Variants in EDNRA observed in about 807,000 individuals in gnomAD.
EDNRA encodes the protein endothelin-1 receptor.
EDNRA carries 11 observed loss-of-function variants against 41.4 expected under a neutral mutation model. That is an observed-to-expected ratio of 0.27 (90% confidence interval 0.17 to 0.44). The LOEUF (loss-of-function observed/expected upper bound fraction) is 0.44. Among genes scored for constraint, EDNRA ranks in the 20% least tolerant of loss-of-function variants. EDNRA has a pLI of 1.00. For missense variants in EDNRA, 294 were observed against 531.0 expected, an observed-to-expected ratio of 0.55 and a Z score of 4.39; for synonymous variants, 172 against 183.0, an observed-to-expected ratio of 0.94 and a Z score of 0.49.
chr4:147,544,295 G>A lies in EDNRA; in HGVS notation c.*1677G>A, dbSNP rs981401187. ...GAGGCAGCGTGAAAGCAGATGAGCT[G>A]TGGACTAGCAATATAGGGTTTTGTT... On this transcript the variant is annotated 3_prime_UTR_variant, in exon 8 of 8. Transcript: ENST00000651419. The A allele has an allele frequency of 5.2e-5, 8 of 153,306 alleles. No homozygotes were observed. Among genetic ancestry groups the A allele is most frequent in the African/African-American group, 1.9e-4 (8 of 41,460 alleles). The allele number at this position is 153,306 out of a possible 1,614,324, so 9.5% of individuals were successfully genotyped here. A position where few individuals can be genotyped will look rare whatever the true frequency, so the allele number is the denominator to read the frequency against.
At chr4:147,510,425 C>T (rs1219587846) in intron 2 of EDNRA, among the ~76,000 whole-genome samples, 1 of 152,152 alleles carries the variant, frequency 6.6e-6, no homozygotes, top group Non-Finnish European at 1.5e-5. Context: ...TCATTCTAGG[C>T]TAGTACAACC....
At chr4:147,541,659 C>T (rs1468856507) in intron 7 of EDNRA, among the ~76,000 whole-genome samples, 1 of 152,144 alleles carries the variant, frequency 6.6e-6, no homozygotes, top group Non-Finnish European at 1.5e-5. Context: ...ATGGAACTTA[C>T]AGTCTAAACA....
rs557210016 is a variant in EDNRA, at chr4:147,539,017, A to G, written c.901-800A>G. Among the ~76,000 whole-genome samples, 34 of 152,180 alleles carry G rather than the reference A, an allele frequency of 2.2e-4. No individual in the cohort carries two copies. In the South Asian group the frequency reaches 5.8e-3, roughly 26 times the overall value. On this transcript the variant is annotated intron_variant, in intron 5 of 7. Coordinates refer to ENST00000651419, the MANE Select transcript of EDNRA (RefSeq NM_001957.4). ...CAATGAATGGTTGCAGATAATTCCT[A>G]ATTTATAGATTTTCTGATCCTGAGC...
intron 2 of EDNRA, among the ~76,000 whole-genome samples, chr4:147,500,264 C>A (rs1404244859): frequency 6.6e-6 from 1 of 152,120 alleles, no homozygotes; most frequent in East Asian, 1.9e-4. Flanking sequence ...GGGACTATTT[C>A]TTTAATAATG....
intron 5 of EDNRA, among the ~76,000 whole-genome samples, chr4:147,537,281 C>T (rs1730949879): frequency 6.6e-6 from 1 of 152,184 alleles, no homozygotes; most frequent in Admixed American, 6.5e-5. Flanking sequence ...TATGCATGTA[C>T]TTTATAAAAT....
In EDNRA at chr4:147,519,274, A is replaced by G. The variant is rs1243315714; in HGVS notation, c.421-577A>G. Among the ~76,000 whole-genome samples the G allele has an allele frequency of 1.3e-5, 2 of 152,224 alleles. No individual in the cohort carries two copies. Among genetic ancestry groups the G allele is most frequent in the African/African-American group, 4.8e-5 (2 of 41,456 alleles). On this transcript the variant is annotated intron_variant, in intron 2 of 7. Coordinates refer to ENST00000651419, the MANE Select transcript of EDNRA (RefSeq NM_001957.4). This position sits in a 1 kb window ranked among gnomAD's most constrained non-coding sequence, Gnocchi z 4.1. ...AGCTGCCAAAATTAGTAGCTTCTAC[A>G]CCACTTTGTTTTTTTCCAGTATTCT...
chr4:147,526,485 T>C (rs1431521490), intron 3 of EDNRA, among the ~76,000 whole-genome samples: 2 of 152,260 alleles, frequency 1.3e-5, no homozygotes, highest in South Asian at 4.1e-4. Context: ...GTCCTCTCTG[T>C]TTTTGCTCCA....
chr4:147,525,802 A>T (rs1178121554), intron 3 of EDNRA, among the ~76,000 whole-genome samples: 2 of 152,230 alleles, frequency 1.3e-5, no homozygotes, highest in African/African-American at 4.8e-5. Flanking sequence ...ATGTGTTATT[A>T]GATACTTGGA....
At chr4:147,523,766 A>T (rs1730429742) in intron 3 of EDNRA, among the ~76,000 whole-genome samples, 1 of 152,056 alleles carries the variant, frequency 6.6e-6, no homozygotes, top group Middle Eastern at 3.2e-3. Context: ...CTGGGATTAC[A>T]GGCATGAGCC....
chr4:147,535,770 C>T (rs1014162914), intron 4 of EDNRA, 107 bp from the exon 5 acceptor site: 2 of 1,365,306 alleles, frequency 1.5e-6, no homozygotes, highest in Non-Finnish European at 2.0e-6. Flanking sequence ...CATGATTTTA[C>T]AGATGTATCT....
At chr4:147,522,964 G>T (rs186364248) in intron 3 of EDNRA, among the ~76,000 whole-genome samples, 147 of 152,370 alleles carry the variant, frequency 9.6e-4, no homozygotes, top group African/African-American at 3.2e-3. Flanking sequence ...GGGACATCTT[G>T]AAGTGGAGGT....
chr4:147,541,767 C>T (rs908136550), intron 7 of EDNRA, among the ~76,000 whole-genome samples: 2 of 152,106 alleles, frequency 1.3e-5, no homozygotes, highest in Admixed American at 6.5e-5. Flanking sequence ...AAATGTTTGC[C>T]AGTCACAAAA....
chr4:147,529,052 A>G (rs544780304), intron 3 of EDNRA, among the ~76,000 whole-genome samples: 1 of 152,360 alleles, frequency 6.6e-6, no homozygotes, highest in African/African-American at 2.4e-5. Context: ...TATGGCAATC[A>G]TCAAGGCACT....
chr4:147,539,934 C>T lies in EDNRA; in HGVS notation c.1018C>T (p.Arg340Ter). The T allele has an allele frequency of 6.2e-6, 10 of 1,607,548 alleles. No individual in the cohort carries two copies. Among genetic ancestry groups the T allele is most frequent in the Non-Finnish European group, 8.5e-6 (10 of 1,178,512 alleles). Residue 340 changes from arginine (R) to a stop codon, truncating the protein, a stop_gained, in exon 6 of 8, where the codon CGA (arginine) becomes TGA (stop). Transcript: ENST00000651419. LOFTEE classifies it high-confidence loss of function. ...TGTGTATAACGAGATGGACAAGAAC[C>T]GATGTGAATTACTTAGGTATGATCC... Reference protein sequence around the residue: ...KTVYNEMDKNRCELLSFLLLM... With the variant: ...KTVYNEMDKN
intron 3 of EDNRA, among the ~76,000 whole-genome samples, chr4:147,532,223 G>A (rs1331220169): frequency 2.7e-5 from 4 of 149,910 alleles, no homozygotes; most frequent in African/African-American, 9.9e-5. Context: ...CTACTCGGGA[G>A]GCTGAGGCAG....
intron 2 of EDNRA, among the ~76,000 whole-genome samples, chr4:147,518,982 T>C (rs1730218957): frequency 1.3e-5 from 2 of 152,164 alleles, no homozygotes; most frequent in Admixed American, 1.3e-4. Flanking sequence ...AGAGTACTGG[T>C]AGCTATTGTT....
At chr4:147,505,326 C>CTTTTTTTTTTTTTTTTTTTTTTTT (rs1729660192) in intron 2 of EDNRA, among the ~76,000 whole-genome samples, 9 of 81,986 alleles carry the variant, frequency 1.1e-4, no homozygotes, top group African/African-American at 4.9e-4. Flanking sequence ...TTTCTTTTTT[C>CTTTTTTTTTTTTTTTTTTTTTTTT]ATTTTTTTTT....
intron 2 of EDNRA, chr4:147,493,825 G>A (rs1166180903): frequency 6.6e-6 from 1 of 152,094 alleles, no homozygotes; most frequent in Admixed American, 6.6e-5. Flanking sequence ...TTTTGCAGAA[G>A]AGCAACCTGG....
intron 3 of EDNRA, among the ~76,000 whole-genome samples, chr4:147,529,300 T>C: frequency 6.6e-6 from 1 of 151,956 alleles, no homozygotes. Context: ...AAGTAGGCAG[T>C]TGGAGGTACA....
Sources: gnomAD v4.1 joint callset for allele counts (sites outside exome capture counted in the v4.1 genomes callset) on GRCh38, gnomAD v4.1.1 for gene constraint, Gnocchi (gnomAD v3.1) non-coding constraint, MANE v1.5 for transcripts, NCBI Gene and HGNC (gene_info 2026-07-23, HGNC 2026-07-21) for gene names.